Variants in NNT observed in about 807,000 individuals in gnomAD.
NNT encodes nicotinamide nucleotide transhydrogenase, also known as NAD(P) transhydrogenase, mitochondrial.
In NNT, 50 loss-of-function variants were observed where a neutral mutation model predicts 104.8. The observed-to-expected ratio is 0.48, with a 90% confidence interval of 0.38 to 0.60. NNT has a LOEUF of 0.60. Ranked by LOEUF, NNT falls within the 20% of genes least tolerant of loss-of-function variation. The pLI, the probability that NNT is intolerant of heterozygous loss-of-function variation, is 0.00. For missense variants in NNT, 1,131 were observed against 1,330.7 expected (o/e 0.85, Z 2.33); for synonymous variants, 461 against 490.4 (o/e 0.94, Z 0.79).
At chr5:43,653,252 G>GT (rs769006524) in intron 14 of NNT, 39 bp downstream of exon 14, 1 of 1,537,672 alleles carries the variant, frequency 6.5e-7, no homozygotes, top group Non-Finnish European at 8.9e-7. Context: ...GTGAACTCCA[G>GT]TTTCTCAATA....
At chr5:43,699,210 T>C (rs1459932366) in intron 19 of NNT, among the ~76,000 whole-genome samples, 3 of 148,434 alleles carry the variant, frequency 2.0e-5, no homozygotes, top group Non-Finnish European at 4.5e-5. Flanking sequence ...AGAGCTCTGC[T>C]TGTGTATTAC....
chr5:43,690,367 T>C (rs936000581), intron 19 of NNT, among the ~76,000 whole-genome samples: 2 of 152,166 alleles, frequency 1.3e-5, no homozygotes, highest in Admixed American at 6.6e-5. Flanking sequence ...CTAATACAGA[T>C]TTTAAATGTC....
At chr5:43,692,111 G>C (rs1163564116) in intron 19 of NNT, among the ~76,000 whole-genome samples, 1 of 152,100 alleles carries the variant, frequency 6.6e-6, no homozygotes, top group African/African-American at 2.4e-5. Context: ...GTGTACAGGT[G>C]GTTAATATTT....
At position 43,705,765 on chromosome 5, in the gene NNT, C is replaced by CTG. The variant is rs1264618564; in HGVS notation, c.*1365_*1366dup. On this transcript the variant is annotated 3_prime_UTR_variant, in exon 22 of 22. Coordinates refer to ENST00000344920, the MANE Select transcript of NNT (RefSeq NM_182977.3). ...ATTTTGCTGTGCCTGAGATTAAGAT[C>CTG]TGTGTATGTGTGTGTGTGTGTGTGT... is the stretch of plus-strand genomic sequence containing the variant. 4.9e-5 allele frequency: 7 copies of CTG among 143,162 alleles called. No homozygotes were observed. The East Asian group carries it at 1.4e-3, about 29-fold the overall frequency. 8.9% of individuals were successfully genotyped at this position (143,162 alleles called of 1,614,324 possible).
intron 21 of NNT, among the ~76,000 whole-genome samples, chr5:43,703,624 T>C (rs569472054): frequency 6.6e-6 from 1 of 152,256 alleles, no homozygotes; most frequent in African/African-American, 2.4e-5. Flanking sequence ...AGAAATGACT[T>C]GATATTCAGC....
intron 17 of NNT, among the ~76,000 whole-genome samples, chr5:43,660,238 G>T (rs1420993914): frequency 1.3e-5 from 2 of 152,122 alleles, no homozygotes; most frequent in African/African-American, 2.4e-5. Flanking sequence ...TGGAAAGGTT[G>T]TTCTAATTTA....
At chr5:43,613,170 C>A in intron 3 of NNT, 33 bp downstream of exon 3, 1 of 1,490,122 alleles carries the variant, frequency 6.7e-7, no homozygotes, top group Non-Finnish European at 9.2e-7. Flanking sequence ...CCATTTACAG[C>A]ATGCTGACTT....
intron 6 of NNT, 60 bp downstream of exon 6, chr5:43,624,180 A>T: frequency 7.0e-7 from 1 of 1,429,230 alleles, no homozygotes; most frequent in East Asian, 2.3e-5. Flanking sequence ...GGGGCATATT[A>T]TGATTGCCTT....
chr5:43,661,713 A>G (rs974473965), intron 17 of NNT, among the ~76,000 whole-genome samples: 1 of 151,600 alleles, frequency 6.6e-6, no homozygotes, highest in African/African-American at 2.4e-5. Flanking sequence ...TTCCAATTTC[A>G]TCCATGTCCC....
intron 2 of NNT, among the ~76,000 whole-genome samples, chr5:43,612,102 GT>G (rs1265021142): frequency 2.0e-5 from 3 of 152,100 alleles, no homozygotes; most frequent in African/African-American, 7.2e-5. Flanking sequence ...TACTACTGAT[GT>G]TTCTATCACT....
intron 16 of NNT, among the ~76,000 whole-genome samples, chr5:43,658,938 A>G (rs1223674082): frequency 1.3e-5 from 2 of 152,014 alleles, no homozygotes; most frequent in African/African-American, 4.8e-5. Flanking sequence ...ATCACTGAAA[A>G]GTGTTTTTTT....
In NNT at chr5:43,633,848, G is replaced by A. The variant is rs139368760; in HGVS notation, c.964+5461G>A. Among the ~76,000 whole-genome samples, 9 of 152,196 alleles carry A rather than the reference G, an allele frequency of 5.9e-5. No individual in the cohort carries two copies. In the East Asian group the frequency reaches 1.7e-3, roughly 29 times the overall value. On this transcript the variant is annotated intron_variant, in intron 7 of 21. Coordinates refer to ENST00000344920, the MANE Select transcript of NNT (RefSeq NM_182977.3). ...CATTGCAGAGGCTAATTTAAGCTTG[G>A]GAACTTAACTTTCTTAAATTATTCA...
chr5:43,666,763 A>G, intron 17 of NNT: 1 of 1,273,256 alleles, frequency 7.9e-7, no homozygotes, highest in Non-Finnish European at 1.1e-6. Flanking sequence ...TGGCAGAGAT[A>G]TCTACTCTGA....
chr5:43,678,998 G>C (rs1258895082), intron 19 of NNT, among the ~76,000 whole-genome samples: 1 of 152,134 alleles, frequency 6.6e-6, no homozygotes, highest in East Asian at 1.9e-4. Context: ...GGTGGGACCA[G>C]CATTTCTGTG....
chr5:43,614,336 C>T (rs1749662031), intron 3 of NNT, among the ~76,000 whole-genome samples: 1 of 152,074 alleles, frequency 6.6e-6, no homozygotes, highest in African/African-American at 2.4e-5. Flanking sequence ...TCTTGGGGGC[C>T]TCTCATTTGA....
intron 19 of NNT, among the ~76,000 whole-genome samples, chr5:43,687,284 T>A (rs1268109673): frequency 6.6e-6 from 1 of 152,182 alleles, no homozygotes; most frequent in Admixed American, 6.5e-5. Flanking sequence ...TGGTCAGGGA[T>A]AGCTCATTCT....
At position 43,696,185 on chromosome 5, in the gene NNT, T is replaced by C. The variant is rs532354306; in HGVS notation, c.2877-3934T>C. ...CCTGTAAAATCAAAAGCAAGTTAGT[T>C]ACTTCCTAGATACAATTGGGTAAAT... On this transcript the variant is annotated intron_variant, in intron 19 of 21. Coordinates refer to ENST00000344920, the MANE Select transcript of NNT (RefSeq NM_182977.3). 9.2e-5 allele frequency among the ~76,000 whole-genome samples: 14 copies of C among 152,268 alleles called. No individual in the cohort carries two copies. The East Asian group carries it at 2.5e-3, about 27-fold the overall frequency.
At chr5:43,653,376 A>G in intron 14 of NNT, 163 bp downstream of exon 14, 1 of 632,098 alleles carries the variant, frequency 1.6e-6, no homozygotes, top group Non-Finnish European at 2.7e-6. Context: ...TCATTCAAAT[A>G]CATTTTAGAA....
chr5:43,669,910 C>G (rs1740953835), intron 17 of NNT, among the ~76,000 whole-genome samples: 2 of 152,032 alleles, frequency 1.3e-5, no homozygotes, highest in South Asian at 4.1e-4. Context: ...CCATCTGGTC[C>G]TGGACTTTTT....
Sources: gnomAD v4.1 joint callset for allele counts (sites outside exome capture counted in the v4.1 genomes callset) on GRCh38, gnomAD v4.1.1 for gene constraint, MANE v1.5 for transcripts, NCBI Gene and HGNC (gene_info 2026-07-23, HGNC 2026-07-21) for gene names.